ATP8A2: variants seen among roughly 807,000 people sequenced by gnomAD.
ATP8A2 encodes phospholipid-transporting ATPase IB.
Under a neutral mutation model 165.6 loss-of-function variants are expected in ATP8A2, and 100 were observed. That is an observed-to-expected ratio of 0.60 (90% CI 0.51 to 0.71). ATP8A2 has a LOEUF of 0.71. ATP8A2 is among the 30% of genes least tolerant of loss of function. The pLI is 0.00. For synonymous variants in ATP8A2, 543 were observed against 548.8 expected, an observed-to-expected ratio of 0.99 and a Z score of 0.15; for missense variants, 1,227 against 1,479.5, an observed-to-expected ratio of 0.83 and a Z score of 2.80.
At chr13:25,739,063 A>G (rs1455799488) in intron 25 of ATP8A2, among the ~76,000 whole-genome samples, 1 of 152,204 alleles carries the variant, frequency 6.6e-6, no homozygotes, top group Non-Finnish European at 1.5e-5. Flanking sequence ...AAGCTCTTCC[A>G]TTTCTCTTGA....
chr13:25,867,666 CT>C (rs1410363764), intron 33 of ATP8A2, among the ~76,000 whole-genome samples: 1 of 152,194 alleles, frequency 6.6e-6, no homozygotes, highest in East Asian at 1.9e-4. Context: ...CCCATCCCCC[CT>C]GCCACAGTGA....
intron 2 of ATP8A2, among the ~76,000 whole-genome samples, chr13:25,481,465 T>A (rs1260823773): frequency 1.3e-5 from 2 of 152,184 alleles, no homozygotes; most frequent in African/African-American, 4.8e-5. Flanking sequence ...GCCTGTATGA[T>A]TCTTAAACCA....
At chr13:25,610,527 A>G (rs921792760) in intron 24 of ATP8A2, among the ~76,000 whole-genome samples, 2 of 152,140 alleles carry the variant, frequency 1.3e-5, no homozygotes, top group African/African-American at 4.8e-5. Flanking sequence ...GCCTTATAGT[A>G]TAGTTTGAAG....
chr13:25,589,419 A>T (rs776082737), intron 23 of ATP8A2, among the ~76,000 whole-genome samples: 2 of 152,238 alleles, frequency 1.3e-5, no homozygotes, highest in Non-Finnish European at 2.9e-5. Context: ...ATTGGGAAGT[A>T]TTTATTTTAG....
intron 24 of ATP8A2, among the ~76,000 whole-genome samples, chr13:25,652,943 C>T (rs773118128): frequency 2.0e-4 from 31 of 152,324 alleles, no homozygotes; most frequent in Admixed American, 6.5e-4. Context: ...ATCATCCCTT[C>T]CCCAGGATGT....
intron 24 of ATP8A2, among the ~76,000 whole-genome samples, chr13:25,634,443 T>C (rs922988790): frequency 5.3e-5 from 8 of 152,214 alleles, no homozygotes; most frequent in African/African-American, 1.9e-4. Flanking sequence ...CATAAAGTGC[T>C]CATTCAGAAA....
rs1555238003 is a variant in ATP8A2, at chr13:25,646,671, A to AC, written c.2212-52501dup. ...CTCCATCTCAAAAAAAAAAAAAAAA[A>AC]CACACAAAAGAATCATTTAGTCACT... On this transcript the variant is annotated intron_variant, in intron 24 of 36. Transcript: ENST00000381655. Among the ~76,000 whole-genome samples the AC allele has an allele frequency of 1.4e-4, 17 of 124,004 alleles. 7 individuals carry two copies. Among genetic ancestry groups the AC allele is most frequent in the Non-Finnish European group, 2.2e-4 (14 of 62,592 alleles). The allele number at this position is 124,004 out of a possible 152,430, so 81.4% of individuals were successfully genotyped here.
chr13:25,510,485 G>A (rs568476902), intron 2 of ATP8A2, among the ~76,000 whole-genome samples: 2 of 152,364 alleles, frequency 1.3e-5, no homozygotes, highest in East Asian at 3.9e-4. Flanking sequence ...CGATTTCCCT[G>A]TGGGGTGAGT....
At chr13:25,930,437 A>G (rs572401939) in intron 33 of ATP8A2, among the ~76,000 whole-genome samples, 2 of 139,278 alleles carry the variant, frequency 1.4e-5, no homozygotes, top group African/African-American at 2.7e-5. Flanking sequence ...TGTGTGGGCT[A>G]TTGCCTCTGT....
At chr13:25,682,915 C>A (rs2042523666) in intron 24 of ATP8A2, among the ~76,000 whole-genome samples, 1 of 152,078 alleles carries the variant, frequency 6.6e-6, no homozygotes, top group Non-Finnish European at 1.5e-5. Flanking sequence ...TTCTTTTACA[C>A]CTAATAGGCT....
intron 16 of ATP8A2, 54 bp from the exon 17 acceptor site, chr13:25,570,713 C>G: frequency 2.2e-6 from 3 of 1,387,446 alleles, no homozygotes; most frequent in Non-Finnish European, 3.1e-6. Flanking sequence ...TGTGTGAGCC[C>G]TGGTGCCTGT....
At chr13:25,713,131 T>G (rs2043187651) in intron 25 of ATP8A2, among the ~76,000 whole-genome samples, 1 of 152,218 alleles carries the variant, frequency 6.6e-6, no homozygotes, top group Non-Finnish European at 1.5e-5. Flanking sequence ...CAAAATGATG[T>G]ACGCTTCTCT....
chr13:25,480,241 G>A (rs1253349518), intron 2 of ATP8A2, among the ~76,000 whole-genome samples: 9 of 151,184 alleles, frequency 6.0e-5, no homozygotes, highest in East Asian at 4.0e-4. Flanking sequence ...CAGTAGGGGC[G>A]GCTGGGCAGA....
intron 24 of ATP8A2, among the ~76,000 whole-genome samples, chr13:25,594,631 T>C (rs1287949747): frequency 6.6e-6 from 1 of 152,160 alleles, no homozygotes; most frequent in Non-Finnish European, 1.5e-5. Context: ...TGCATCCTCA[T>C]AGCTTAGCTC....
intron 27 of ATP8A2, among the ~76,000 whole-genome samples, chr13:25,794,254 A>G (rs1950451282): frequency 6.6e-6 from 1 of 152,196 alleles, no homozygotes; most frequent in South Asian, 2.1e-4. Context: ...CTACTTACCA[A>G]ATACTAGAAA....
At chr13:25,379,376 C>T (rs1397532164) in intron 1 of ATP8A2, among the ~76,000 whole-genome samples, 1 of 152,200 alleles carries the variant, frequency 6.6e-6, no homozygotes, top group African/African-American at 2.4e-5. Context: ...TCTATACTGA[C>T]ATTTGGAATC....
intron 2 of ATP8A2, among the ~76,000 whole-genome samples, chr13:25,498,967 C>T (rs532554382): frequency 6.6e-6 from 1 of 152,168 alleles, no homozygotes; most frequent in African/African-American, 2.4e-5. Flanking sequence ...GTAGTGCTAA[C>T]GTGTTGTTCT....
chr13:25,521,143 C>T (rs901427140), intron 2 of ATP8A2, among the ~76,000 whole-genome samples: 3 of 152,076 alleles, frequency 2.0e-5, no homozygotes, highest in Non-Finnish European at 2.9e-5. Flanking sequence ...TCCTGTTGGC[C>T]ATTTGTATGT....
chr13:25,791,483 C>G (rs1593352312), intron 27 of ATP8A2, among the ~76,000 whole-genome samples: 1 of 151,440 alleles, frequency 6.6e-6, no homozygotes, highest in Non-Finnish European at 1.5e-5. Context: ...CACCATGACA[C>G]AAGTTTACCT....
Sources: allele counts gnomAD v4.1 joint callset (sites outside exome capture counted in the v4.1 genomes callset), GRCh38; gene constraint gnomAD v4.1.1; transcripts MANE v1.5; gene names NCBI Gene and HGNC (gene_info 2026-07-23, HGNC 2026-07-21).